Variants in TTC39B observed in about 807,000 individuals in gnomAD.
TTC39B encodes the protein tetratricopeptide repeat domain 39B.
In TTC39B, 92 loss-of-function variants were observed where a neutral mutation model predicts 96.6. The observed-to-expected ratio is 0.95, with a 90% CI of 0.80 to 1.13. The LOEUF (loss-of-function observed/expected upper bound fraction) is 1.13, where lower values mean the gene tolerates loss of function less well. Among genes scored for constraint, TTC39B ranks in the 50% most tolerant of loss-of-function variants. The pLI, the probability that TTC39B is intolerant of heterozygous loss-of-function variation, is 0.00. For missense variants in TTC39B, 955 were observed against 809.3 expected (o/e 1.18, Z -2.18); for synonymous variants, 367 against 299.4 (o/e 1.23, Z -2.33).
At chr9:15,185,406 T>C in exon 16 of TTC39B, 1 of 1,613,520 alleles carries the variant, frequency 6.2e-7, no homozygotes, top group Non-Finnish European at 8.5e-7. Flanking sequence ...TGTCCACCTG[T>C]CTGTGAAGAA....
chr9:15,271,334 G>C (rs929448337), intron 1 of TTC39B, among the ~76,000 whole-genome samples: 7 of 152,302 alleles, frequency 4.6e-5, no homozygotes, highest in South Asian at 4.1e-4. Flanking sequence ...TGGCGAAAAA[G>C]ACTACCTCAA....
At chr9:15,177,841 A>C in intron 17 of TTC39B, 27 bp from the exon 18 acceptor site, 1 of 1,342,490 alleles carries the variant, frequency 7.4e-7, no homozygotes, top group Non-Finnish European at 1.0e-6. Flanking sequence ...TACAAAGAAA[A>C]CACACAAAGA....
chr9:15,244,595 G>A (rs115220577), intron 2 of TTC39B, among the ~76,000 whole-genome samples: 1,890 of 152,224 alleles, frequency 0.012, 44 homozygotes, highest in African/African-American at 0.043. Context: ...GAGTTATAGA[G>A]GAGTATAGTG....
At chr9:15,204,204 G>C (rs1272871812) in intron 6 of TTC39B, among the ~76,000 whole-genome samples, 1 of 152,138 alleles carries the variant, frequency 6.6e-6, no homozygotes, top group African/African-American at 2.4e-5. Context: ...TTTTAAAAAA[G>C]GAAACCACTT....
At chr9:15,194,628 G>A (rs539419318) in intron 8 of TTC39B, among the ~76,000 whole-genome samples, 12 of 152,258 alleles carry the variant, frequency 7.9e-5, no homozygotes, top group East Asian at 1.9e-4. Flanking sequence ...GTCTATCGAT[G>A]CCATTTTTCC....
chr9:15,223,709 G>C (rs1197025831), intron 3 of TTC39B, among the ~76,000 whole-genome samples: 2 of 152,148 alleles, frequency 1.3e-5, no homozygotes, highest in Non-Finnish European at 2.9e-5. Context: ...GAGAATGTCT[G>C]TTGTTTAGTT....
chr9:15,205,464 C>CA (rs34604136), intron 6 of TTC39B, among the ~76,000 whole-genome samples: 19,088 of 152,056 alleles, frequency 0.13, 1,540 homozygotes, highest in Non-Finnish European at 0.19. Flanking sequence ...GCTCATATTC[C>CA]AATGTTTAAT....
chr9:15,192,303 G>T (rs981416661), intron 9 of TTC39B, among the ~76,000 whole-genome samples: 3 of 152,100 alleles, frequency 2.0e-5, no homozygotes, highest in Admixed American at 1.3e-4. Context: ...CAATATTTCT[G>T]CTGTGGAAAT....
At chr9:15,291,152 C>T (rs927820742) in intron 1 of TTC39B, among the ~76,000 whole-genome samples, 5 of 152,222 alleles carry the variant, frequency 3.3e-5, no homozygotes, top group African/African-American at 1.2e-4. Context: ...ACATTGTCCA[C>T]ATGAATAATT....
At chr9:15,280,621 C>G (rs1247565417) in intron 1 of TTC39B, among the ~76,000 whole-genome samples, 1 of 152,144 alleles carries the variant, frequency 6.6e-6, no homozygotes, top group African/African-American at 2.4e-5. Context: ...GATGATACCC[C>G]GCTTTTGCTT....
chr9:15,306,515 G>C lies in TTC39B; in HGVS notation c.240+569C>G, dbSNP rs1311507881. ...CACCACAGCCTGGGCTGCGGCTCTA[G>C]CCCTCCAGCCCCAGCCCCTGGCAGC... is the stretch of plus-strand genomic sequence containing the variant. On this transcript the variant is annotated intron_variant, in intron 1 of 19. Transcript: ENST00000512701. This position sits in a 1 kb window ranked among gnomAD's most constrained non-coding sequence, Gnocchi z 5.1. 1.3e-5 allele frequency among the ~76,000 whole-genome samples: 2 copies of C among 152,196 alleles called. No individual in the cohort carries two copies. The highest frequency in any genetic ancestry group is 4.8e-5 in the African/African-American group (2 of 41,458).
At chr9:15,214,282 T>G in intron 3 of TTC39B, 33 bp from the exon 4 acceptor site, 1 of 1,552,656 alleles carries the variant, frequency 6.4e-7, no homozygotes, top group Non-Finnish European at 8.9e-7. Context: ...AGAGAATTTC[T>G]ATAGCTTTAC....
intron 1 of TTC39B, among the ~76,000 whole-genome samples, chr9:15,268,996 A>T (rs1823238473): frequency 6.6e-6 from 1 of 152,128 alleles, no homozygotes; most frequent in South Asian, 2.1e-4. Context: ...GACTCCAGCC[A>T]CAGGTCTTTC....
At chr9:15,258,318 G>A (rs1196128673) in intron 2 of TTC39B, among the ~76,000 whole-genome samples, 1 of 152,114 alleles carries the variant, frequency 6.6e-6, no homozygotes, top group Non-Finnish European at 1.5e-5. Context: ...AGAAAAGAAA[G>A]GAATCAAAGA....
At chr9:15,222,481 T>C (rs74753602) in intron 3 of TTC39B, among the ~76,000 whole-genome samples, 3,745 of 152,166 alleles carry the variant, frequency 0.025, 163 homozygotes, top group African/African-American at 0.086. Flanking sequence ...TACTAACCAA[T>C]CCAAGGGAGA....
intron 1 of TTC39B, among the ~76,000 whole-genome samples, chr9:15,303,446 C>T (rs1824663676): frequency 6.6e-6 from 1 of 150,686 alleles, no homozygotes; most frequent in African/African-American, 2.4e-5. Flanking sequence ...TCAGAGTTCA[C>T]TGCAGCCTCA....
intron 3 of TTC39B, among the ~76,000 whole-genome samples, chr9:15,216,482 A>G (rs953040133): frequency 6.6e-6 from 1 of 152,206 alleles, no homozygotes; most frequent in Non-Finnish European, 1.5e-5. Context: ...TGAAGAGATC[A>G]TGTAAGAATG....
intron 3 of TTC39B, among the ~76,000 whole-genome samples, chr9:15,215,474 T>C (rs542362056): frequency 6.6e-6 from 1 of 151,674 alleles, no homozygotes; most frequent in South Asian, 2.1e-4. Context: ...GGAGAATCAC[T>C]TGAACCCAGG....
At chr9:15,192,787 A>C (rs1434513206) in intron 8 of TTC39B, 92 bp from the exon 9 acceptor site, 1 of 822,500 alleles carries the variant, frequency 1.2e-6, no homozygotes, top group African/African-American at 1.7e-5. Flanking sequence ...CTATAAAATA[A>C]ATGTCATTAA....
Sources: gnomAD v4.1 joint callset for allele counts (sites outside exome capture counted in the v4.1 genomes callset) on GRCh38, gnomAD v4.1.1 for gene constraint, Gnocchi (gnomAD v3.1) non-coding constraint, MANE v1.5 for transcripts, NCBI Gene and HGNC (gene_info 2026-07-23, HGNC 2026-07-21) for gene names.